The following PPP1R12B variants were observed in gnomAD, a reference collection of about 807,000 sequenced individuals.
The protein encoded by PPP1R12B is myosin phosphatase target subunit 2.
PPP1R12B carries 76 observed loss-of-function variants against 126.1 expected under a neutral mutation model. That is an observed-to-expected ratio of 0.60 (90% CI 0.50 to 0.73). The LOEUF is 0.73. Ranked by LOEUF, PPP1R12B falls within the 30% of genes least tolerant of loss-of-function variation. The probability of loss-of-function intolerance (pLI) is 0.00; values close to 1 mark genes in which losing one functional copy is unlikely to be tolerated. For missense variants in PPP1R12B, 1,052 were observed against 1,205.1 expected, an observed-to-expected ratio of 0.87 and a Z score of 1.88; for synonymous variants, 356 against 434.7, an observed-to-expected ratio of 0.82 and a Z score of 2.25.
intron 1 of PPP1R12B, among the ~76,000 whole-genome samples, chr1:202,397,141 C>T (rs1435599500): frequency 6.6e-6 from 1 of 152,026 alleles, no homozygotes; most frequent in African/African-American, 2.4e-5. Context: ...CTTATCAATG[C>T]TCTCATTTCC....
intron 18 of PPP1R12B, among the ~76,000 whole-genome samples, chr1:202,545,481 A>T (rs990737534): frequency 1.3e-5 from 2 of 152,142 alleles, no homozygotes; most frequent in African/African-American, 4.8e-5. Context: ...CTTCTACTCT[A>T]ATTTTTAGTT....
intron 13 of PPP1R12B, among the ~76,000 whole-genome samples, chr1:202,457,989 A>G (rs2148747126): frequency 6.6e-6 from 1 of 152,218 alleles, no homozygotes; most frequent in East Asian, 1.9e-4. Flanking sequence ...GGAACAATGG[A>G]TTAAACAAAA....
chr1:202,553,885 C>T (rs551077486), intron 18 of PPP1R12B, among the ~76,000 whole-genome samples: 1 of 152,250 alleles, frequency 6.6e-6, no homozygotes, highest in East Asian at 1.9e-4. Flanking sequence ...GGCAAACTCC[C>T]ACTCTGTCTT....
chr1:202,427,220 T>C lies in PPP1R12B; in HGVS notation c.846+36T>C, dbSNP rs756558465. ...CTGAACCTCTAAAAGAACAACGAGA[T>C]TGGTGGCTGGGTCTCTAGAATAAAA... On this transcript the variant is annotated intron_variant, in intron 5 of 23. Transcript: ENST00000608999. 1.4e-5 allele frequency: 22 copies of C among 1,610,066 alleles called. No individual in the cohort carries two copies. In the Admixed American group the frequency reaches 3.7e-4, roughly 27 times the overall value.
chr1:202,402,199 A>G (rs944616479), intron 1 of PPP1R12B, among the ~76,000 whole-genome samples: 2 of 152,220 alleles, frequency 1.3e-5, no homozygotes, highest in Non-Finnish European at 2.9e-5. Context: ...TACTTTTGGA[A>G]CATGAGGTTT....
intron 13 of PPP1R12B, among the ~76,000 whole-genome samples, chr1:202,485,829 G>A (rs1023875456): frequency 6.6e-6 from 1 of 152,004 alleles, no homozygotes; most frequent in Non-Finnish European, 1.5e-5. Context: ...AACTCAATTT[G>A]GCCATCCTGC....
chr1:202,380,363 C>A (rs539166988), intron 1 of PPP1R12B, among the ~76,000 whole-genome samples: 1 of 152,216 alleles, frequency 6.6e-6, no homozygotes, highest in Non-Finnish European at 1.5e-5. Flanking sequence ...GAAGGAGTTT[C>A]ATTATTTACC....
At chr1:202,384,424 A>G (rs772821042) in intron 1 of PPP1R12B, among the ~76,000 whole-genome samples, 3 of 152,234 alleles carry the variant, frequency 2.0e-5, no homozygotes, top group Non-Finnish European at 2.9e-5. Context: ...CCATGAAAAC[A>G]TTACGCGAAG....
In PPP1R12B at chr1:202,438,008, T is replaced by G. The variant is rs1421239059; in HGVS notation, c.1442T>G (p.Leu481Arg). 1.3e-5 allele frequency: 21 copies of G among 1,613,916 alleles called. No individual in the cohort carries two copies. Among genetic ancestry groups the G allele is most frequent in the Non-Finnish European group, 1.7e-5 (20 of 1,179,946 alleles). The change falls in exon 10 of 24, where the codon CTG becomes CGG. Residue 481 changes from leucine (L) to arginine (R), a missense_variant. Coordinates refer to ENST00000608999, the MANE Select transcript of PPP1R12B (RefSeq NM_002481.4). ...SSSSPRISAL[L>R]DNKDKERENK... ...TCAAGCCCTCGGATTTCTGCTCTACTGGACAACAAAGATAAGGTGCAGTTT... is the reference window on the plus strand; with the variant it reads ...TCAAGCCCTCGGATTTCTGCTCTACGGGACAACAAAGATAAGGTGCAGTTT...
intron 1 of PPP1R12B, among the ~76,000 whole-genome samples, chr1:202,368,056 G>A (rs199541333): frequency 3.3e-5 from 5 of 151,708 alleles, no homozygotes; most frequent in Non-Finnish European, 7.4e-5. Context: ...TGCAACCTCC[G>A]CCTCCCAGGT....
intron 1 of PPP1R12B, among the ~76,000 whole-genome samples, chr1:202,357,596 G>A (rs1458921735): frequency 6.6e-6 from 1 of 152,068 alleles, no homozygotes; most frequent in African/African-American, 2.4e-5. Flanking sequence ...GAATATTTTA[G>A]GATATTAAAC....
chr1:202,353,794 T>G (rs929400107), intron 1 of PPP1R12B, among the ~76,000 whole-genome samples: 2 of 151,972 alleles, frequency 1.3e-5, no homozygotes, highest in African/African-American at 4.8e-5. Context: ...AAATTTTTTG[T>G]AGACAAGGGG....
chr1:202,446,234 C>CTATA, intron 12 of PPP1R12B, among the ~76,000 whole-genome samples: 1 of 88,378 alleles, frequency 1.1e-5, no homozygotes, highest in Admixed American at 1.6e-4. Context: ...CTCTCTCTCT[C>CTATA]TCTATATATA....
chr1:202,356,488 T>C (rs897762377), intron 1 of PPP1R12B, among the ~76,000 whole-genome samples: 4 of 152,148 alleles, frequency 2.6e-5, no homozygotes, highest in Non-Finnish European at 5.9e-5. Context: ...CCAGAACATG[T>C]AAATATGTTA....
chr1:202,351,918 C>T (rs1400443124), intron 1 of PPP1R12B, among the ~76,000 whole-genome samples: 3 of 152,178 alleles, frequency 2.0e-5, no homozygotes, highest in Non-Finnish European at 4.4e-5. Flanking sequence ...TTCTTGGCAG[C>T]CTTTGCTGAG....
chr1:202,476,950 C>T (rs1676753635), intron 13 of PPP1R12B, among the ~76,000 whole-genome samples: 1 of 152,078 alleles, frequency 6.6e-6, no homozygotes, highest in African/African-American at 2.4e-5. Context: ...TTTCATTCTT[C>T]TACTTGGAGT....
At chr1:202,438,557 T>A (rs1252615235) in intron 10 of PPP1R12B, 2 of 434,706 alleles carry the variant, frequency 4.6e-6, no homozygotes, top group East Asian at 1.1e-4. Context: ...CAGCCCCCGG[T>A]GGAAGAGGCT....
chr1:202,506,479 CAGTGAA>C (rs1327847502), intron 18 of PPP1R12B, among the ~76,000 whole-genome samples: 9 of 152,198 alleles, frequency 5.9e-5, no homozygotes, highest in Non-Finnish European at 1.3e-4. Context: ...CCCATTACAT[CAGTGAA>C]TTCTGCTTTA....
chr1:202,567,380 C>CAT (rs545914509), intron 21 of PPP1R12B: 1 of 147,814 alleles, frequency 6.8e-6, no homozygotes, highest in Non-Finnish European at 1.5e-5. Context: ...AAAGAAAAGC[C>CAT]TTTTTTTTTT....
Sources: allele counts gnomAD v4.1 joint callset (sites outside exome capture counted in the v4.1 genomes callset), GRCh38; gene constraint gnomAD v4.1.1; transcripts MANE v1.5; gene names NCBI Gene and HGNC (gene_info 2026-07-23, HGNC 2026-07-21).